The following PDE11A variants were observed in gnomAD, a reference collection of about 807,000 sequenced individuals.
The protein encoded by PDE11A is phosphodiesterase 11A.
PDE11A carries 100 observed loss-of-function variants against 100.5 expected under a neutral mutation model. The observed-to-expected ratio is 1.00, with a 90% CI of 0.85 to 1.18. The LOEUF is 1.18. Among genes scored for constraint, PDE11A ranks in the 50% most tolerant of loss-of-function variants. The pLI is 0.00. For missense variants in PDE11A, 1,141 were observed against 1,152.6 expected (o/e 0.99, Z 0.15); for synonymous variants, 381 against 420.8 (o/e 0.91, Z 1.16).
chr2:177,725,215 A>G (rs2081583088), intron 12 of PDE11A, among the ~76,000 whole-genome samples: 1 of 152,116 alleles, frequency 6.6e-6, no homozygotes, highest in South Asian at 2.1e-4. Flanking sequence ...AGCTACACTG[A>G]TTGAGTCGTC....
At position 177,624,703 on chromosome 2, in the gene PDE11A, C is replaced by G. The variant is rs554402004; in HGVS notation, c.*4704G>C. 3 of 152,184 alleles carry G rather than the reference C, an allele frequency of 2.0e-5. No homozygotes were observed. Among genetic ancestry groups the G allele is most frequent in the Non-Finnish European group, 4.4e-5 (3 of 68,032 alleles). The allele number at this position is 152,184 out of a possible 1,614,324, so 9.4% of individuals were successfully genotyped here. A position where few individuals can be genotyped will look rare whatever the true frequency, so the allele number is the denominator to read the frequency against. ...AACTTCTCTTAACTTTATAAATTCACTTCTAAATTAATGACTACCATTTAT... is the reference window on the plus strand; with the variant it reads ...AACTTCTCTTAACTTTATAAATTCAGTTCTAAATTAATGACTACCATTTAT... On this transcript the variant is annotated 3_prime_UTR_variant, in exon 20 of 20. Coordinates refer to ENST00000286063, the MANE Select transcript of PDE11A (RefSeq NM_016953.4).
intron 2 of PDE11A, among the ~76,000 whole-genome samples, chr2:177,909,407 C>A (rs1367435842): frequency 6.6e-6 from 1 of 152,224 alleles, no homozygotes; most frequent in African/African-American, 2.4e-5. Context: ...AGCCGCCCGA[C>A]TGCCTTCTCC....
intron 9 of PDE11A, among the ~76,000 whole-genome samples, chr2:177,810,036 T>C (rs1234278743): frequency 1.3e-5 from 2 of 152,134 alleles, no homozygotes; most frequent in African/African-American, 2.4e-5. Flanking sequence ...ATATATCCCA[T>C]GGAAGATGGT....
In PDE11A at chr2:177,817,906, G is replaced by T; in HGVS notation, c.1596C>A (p.Asn532Lys). 6.6e-7 allele frequency: 1 copy of T among 1,525,440 alleles called. No individual in the cohort carries two copies. The highest frequency in any genetic ancestry group is 9.1e-7 in the Non-Finnish European group (1 of 1,100,924). The allele number at this position is 1,525,440 out of a possible 1,614,324, so 94.5% of individuals were successfully genotyped here. ...CATCAAAAGGTTTCCCATCAAGTCT[G>T]TTTAACACTTGAGCCACTCCTATGG... ...HQIIGVAQVLNRLDGKPFDDA... is the reference protein window; with the variant it reads ...HQIIGVAQVLKRLDGKPFDDA... The change falls in exon 8 of 20, where the codon AAC becomes AAA. Residue 532 changes from asparagine (N) to lysine (K), a missense_variant. Physicochemically the swap from Asn to Lys is moderately conservative, Grantham distance 94 (BLOSUM62 0). Coordinates refer to ENST00000286063, the MANE Select transcript of PDE11A (RefSeq NM_016953.4).
intron 2 of PDE11A, among the ~76,000 whole-genome samples, chr2:178,099,260 T>C (rs1477867529): frequency 6.6e-6 from 1 of 151,784 alleles, no homozygotes; most frequent in African/African-American, 2.4e-5. Context: ...ACCCCGTCTC[T>C]ACTAAAAATA....
chr2:177,818,316 T>C (rs1252204234), intron 7 of PDE11A, among the ~76,000 whole-genome samples: 1 of 140,948 alleles, frequency 7.1e-6, no homozygotes, highest in Non-Finnish European at 1.6e-5. Flanking sequence ...TGTGTGTATA[T>C]ATATATATAT....
Position 177,623,706 on chromosome 2 carries a change from T to C in PDE11A, c.*5701A>G, listed in dbSNP as rs2079794349. ...CAGATATAAACGGTGGCACAAATAA[T>C]ACATTTTTCACAGCAAATACTTCAT... On this transcript the variant is annotated 3_prime_UTR_variant, in exon 20 of 20. Transcript: ENST00000286063. 1 of 152,128 alleles carries C rather than the reference T, an allele frequency of 6.6e-6. No individual in the cohort carries two copies. The highest frequency in any genetic ancestry group is 2.1e-4 in the South Asian group (1 of 4,818). 9.4% of individuals were successfully genotyped at this position (152,128 alleles called of 1,614,324 possible).
chr2:177,902,910 A>G (rs569606292), intron 3 of PDE11A, among the ~76,000 whole-genome samples: 8 of 152,152 alleles, frequency 5.3e-5, no homozygotes, highest in Admixed American at 2.0e-4. Context: ...AAGTCCTCTC[A>G]CTGCTCCAGC....
In PDE11A at chr2:177,921,173, A is replaced by C. The variant is rs187178368; in HGVS notation, c.1072-15986T>G. On this transcript the variant is annotated intron_variant, in intron 2 of 19. Transcript: ENST00000286063. ...AATTGACAATATCCCAAACATCGCA[A>C]GATCCAGAAACGTAGCATATTTGTA... 2.0e-5 allele frequency among the ~76,000 whole-genome samples: 3 copies of C among 151,932 alleles called. No homozygotes were observed. The East Asian group carries it at 5.8e-4, about 29-fold the overall frequency.
intron 2 of PDE11A, among the ~76,000 whole-genome samples, chr2:177,917,195 C>CAAA (rs66967582): frequency 0.012 from 1,741 of 149,596 alleles, 26 homozygotes; most frequent in East Asian, 0.075. Context: ...CTATATGTGC[C>CAAA]AAAAAAAAAA....
rs753679914 is a variant in PDE11A at position 177,835,724 on chromosome 2, C to A, written c.1500+4527G>T. ...TGCGCATGGCACTGGCAGCCCACCA[C>A]AAGTTCTGGGTGGGCGTGGGCTCCG... On this transcript the variant is annotated intron_variant, in intron 6 of 19. Coordinates refer to ENST00000286063, the MANE Select transcript of PDE11A (RefSeq NM_016953.4). 5.3e-5 allele frequency among the ~76,000 whole-genome samples: 8 copies of A among 152,196 alleles called. 1 individual carries two copies. Among genetic ancestry groups the A allele is most frequent in the Non-Finnish European group, 1.0e-4 (7 of 68,028 alleles).
chr2:177,879,414 T>G (rs190392907), intron 4 of PDE11A, among the ~76,000 whole-genome samples: 1 of 152,386 alleles, frequency 6.6e-6, no homozygotes, highest in Admixed American at 6.5e-5. Context: ...GTTTTTAACT[T>G]TTTGAAAATT....
intron 1 of PDE11A, among the ~76,000 whole-genome samples, chr2:178,048,114 C>G (rs2105854387): frequency 6.6e-6 from 1 of 152,284 alleles, no homozygotes; most frequent in East Asian, 1.9e-4. Flanking sequence ...TTTCAATAAT[C>G]TGGGTGAAAG....
chr2:177,727,141 C>T (rs958803925), intron 12 of PDE11A, among the ~76,000 whole-genome samples: 10 of 152,124 alleles, frequency 6.6e-5, no homozygotes, highest in Middle Eastern at 3.4e-3. Context: ...CCCCACGGGA[C>T]GAGATTTTAA....
intron 2 of PDE11A, among the ~76,000 whole-genome samples, chr2:177,962,899 G>T (rs1041594990): frequency 6.6e-6 from 1 of 152,126 alleles, no homozygotes; most frequent in Non-Finnish European, 1.5e-5. Flanking sequence ...TGGAGGTTTG[G>T]TTAATACTGT....
At chr2:177,882,570 A>C (rs1372537594) in intron 4 of PDE11A, among the ~76,000 whole-genome samples, 2 of 152,208 alleles carry the variant, frequency 1.3e-5, no homozygotes, top group African/African-American at 4.8e-5. Context: ...TACACACACT[A>C]AGTAAAAAAG....
chr2:177,845,744 G>C (rs2083583311), intron 5 of PDE11A, among the ~76,000 whole-genome samples: 1 of 152,192 alleles, frequency 6.6e-6, no homozygotes, highest in African/African-American at 2.4e-5. Context: ...GGGCACCATT[G>C]AGCACTGAGT....
chr2:177,661,667 A>C (rs1430301111), intron 19 of PDE11A, among the ~76,000 whole-genome samples: 1 of 152,240 alleles, frequency 6.6e-6, no homozygotes, highest in East Asian at 1.9e-4. Context: ...AAATGAAATA[A>C]TGAGATCTTT....
chr2:178,012,773 G>C (rs1008851229), intron 2 of PDE11A, among the ~76,000 whole-genome samples: 1 of 152,128 alleles, frequency 6.6e-6, no homozygotes, highest in Non-Finnish European at 1.5e-5. Flanking sequence ...TTTAAATGAA[G>C]GCAGCAGAGC....
Sources: gnomAD v4.1 joint callset for allele counts (sites outside exome capture counted in the v4.1 genomes callset) on GRCh38, gnomAD v4.1.1 for gene constraint, MANE v1.5 for transcripts, NCBI Gene and HGNC (gene_info 2026-07-23, HGNC 2026-07-21) for gene names.